Variants in TRIM9 observed in about 807,000 individuals in gnomAD.
TRIM9 encodes E3 ubiquitin-protein ligase TRIM9.
In TRIM9, 26 loss-of-function variants were observed where a neutral mutation model predicts 78.3. That is an observed-to-expected ratio of 0.33 (90% CI 0.24 to 0.46). TRIM9 has a LOEUF of 0.46. Among genes scored for constraint, TRIM9 ranks in the 20% least tolerant of loss-of-function variants. The probability of loss-of-function intolerance (pLI) is 1.00; values close to 1 mark genes in which losing one functional copy is unlikely to be tolerated. For synonymous variants in TRIM9, 398 were observed against 416.5 expected (o/e 0.96, Z 0.54); for missense variants, 787 against 1,036.4 (o/e 0.76, Z 3.30).
chr14:51,017,623 A>C (rs185098936), intron 3 of TRIM9, among the ~76,000 whole-genome samples: 11 of 152,354 alleles, frequency 7.2e-5, no homozygotes, highest in African/African-American at 2.2e-4. Flanking sequence ...TTGCAATAAG[A>C]GTGAAGCAGT....
At chr14:50,996,007 A>C (rs905843522) in intron 7 of TRIM9, 1 of 804,378 alleles carries the variant, frequency 1.2e-6, no homozygotes, top group African/African-American at 1.9e-5. Flanking sequence ...TTGCTTTCTA[A>C]ATCTTGTCTC....
intron 1 of TRIM9, among the ~76,000 whole-genome samples, chr14:51,074,088 A>T (rs767971210): frequency 6.6e-6 from 1 of 152,172 alleles, no homozygotes; most frequent in Non-Finnish European, 1.5e-5. Context: ...ACTGAATAAT[A>T]GTAATGATCA....
rs183547914 is a variant in TRIM9, at chr14:50,990,004, A to G, written c.1604-3860T>C. Among the ~76,000 whole-genome samples, 311 of 152,114 alleles carry G rather than the reference A, an allele frequency of 2.0e-3. 3 individuals carry two copies. Among genetic ancestry groups the G allele is most frequent in the Admixed American group, 0.019 (297 of 15,260 alleles). On this transcript the variant is annotated intron_variant, in intron 7 of 12. Transcript: ENST00000684578. ...TGATGTACTCCTGTTTGGCCACCAT[A>G]TATTTCTTTTGTTTCTTTATTTCTT...
chr14:51,035,182 G>A (rs958510446), intron 1 of TRIM9, among the ~76,000 whole-genome samples: 3 of 152,152 alleles, frequency 2.0e-5, no homozygotes, highest in South Asian at 2.1e-4. Context: ...AAGGCTATTC[G>A]TAGTGTATTT....
At chr14:51,016,217 A>G (rs1226001564) in intron 3 of TRIM9, among the ~76,000 whole-genome samples, 2 of 152,178 alleles carry the variant, frequency 1.3e-5, no homozygotes, top group Non-Finnish European at 2.9e-5. Context: ...TTGTTTAGGC[A>G]AGGGCAGGGG....
intron 1 of TRIM9, among the ~76,000 whole-genome samples, chr14:51,079,543 A>G (rs1220218088): frequency 6.6e-6 from 1 of 152,212 alleles, no homozygotes; most frequent in East Asian, 1.9e-4. Context: ...TGTAGCCCAG[A>G]TGTGTATGTA....
At chr14:51,060,683 G>A (rs1454621517) in intron 1 of TRIM9, among the ~76,000 whole-genome samples, 1 of 152,076 alleles carries the variant, frequency 6.6e-6, no homozygotes, top group Non-Finnish European at 1.5e-5. Flanking sequence ...TAGCCAGGAT[G>A]GTCTCGATCT....
Position 51,002,010 on chromosome 14 carries a change from T to G in TRIM9, c.1307-1170A>C, listed in dbSNP as rs142607099. On this transcript the variant is annotated intron_variant, in intron 5 of 12. Coordinates refer to ENST00000684578, the MANE Select transcript of TRIM9 (RefSeq NM_001387360.1). ...CTTTTCTAGTACTTAAACTGCAAATTAGTTGAGCCTTCAGACACACATAGA... is the reference window on the plus strand; with the variant it reads ...CTTTTCTAGTACTTAAACTGCAAATGAGTTGAGCCTTCAGACACACATAGA... 3.9e-5 allele frequency among the ~76,000 whole-genome samples: 6 copies of G among 152,324 alleles called. No individual in the cohort carries two copies. The East Asian group carries it at 1.2e-3, about 29-fold the overall frequency.
chr14:51,068,747 G>A (rs1240093033), intron 1 of TRIM9, among the ~76,000 whole-genome samples: 4 of 152,182 alleles, frequency 2.6e-5, no homozygotes, highest in Non-Finnish European at 5.9e-5. Flanking sequence ...GAGGTGTGAT[G>A]AGGCCAGCCC....
intron 1 of TRIM9, among the ~76,000 whole-genome samples, chr14:51,085,509 T>C (rs186431493): frequency 3.3e-5 from 5 of 152,370 alleles, no homozygotes; most frequent in African/African-American, 4.8e-5. Context: ...TTCCTTTTTA[T>C]ATGGTGAAAG....
chr14:51,001,120 A>C (rs1435974208), intron 5 of TRIM9, among the ~76,000 whole-genome samples: 4 of 152,134 alleles, frequency 2.6e-5, no homozygotes, highest in African/African-American at 7.2e-5. Context: ...ATCCCCTTGA[A>C]CATTGAAGAC....
chr14:51,080,736 C>T (rs565156564), intron 1 of TRIM9, among the ~76,000 whole-genome samples: 2 of 152,174 alleles, frequency 1.3e-5, no homozygotes, highest in African/African-American at 4.8e-5. Flanking sequence ...GCCATGGTAA[C>T]CCTTAGGAGC....
At chr14:51,016,263 G>A (rs7145511) in intron 3 of TRIM9, among the ~76,000 whole-genome samples, 61,648 of 152,004 alleles carry the variant, frequency 0.41, 12,892 homozygotes, top group Middle Eastern at 0.44. Context: ...GCACTGGTCC[G>A]TGGCCTGTTA....
chr14:51,040,793 ATTACATTTACAAAGC>A (rs548781562), intron 1 of TRIM9, among the ~76,000 whole-genome samples: 24 of 152,370 alleles, frequency 1.6e-4, no homozygotes, highest in East Asian at 1.3e-3. Context: ...TAGTACTAAC[ATTACATTTACAAAGC>A]CTGAATTTAA....
At chr14:51,035,353 T>C (rs188950995) in intron 1 of TRIM9, among the ~76,000 whole-genome samples, 1 of 152,170 alleles carries the variant, frequency 6.6e-6, no homozygotes, top group African/African-American at 2.4e-5. Context: ...ACTTGAGGGA[T>C]GAATAAGAAG....
intron 1 of TRIM9, among the ~76,000 whole-genome samples, chr14:51,048,705 C>A (rs1477642568): frequency 6.6e-6 from 1 of 151,968 alleles, no homozygotes; most frequent in African/African-American, 2.4e-5. Flanking sequence ...ATCTCGGGGG[C>A]CGGGCGCAGT....
intron 1 of TRIM9, among the ~76,000 whole-genome samples, chr14:51,079,845 G>C (rs1418885431): frequency 1.3e-5 from 2 of 152,148 alleles, no homozygotes; most frequent in Non-Finnish European, 2.9e-5. Flanking sequence ...ATGACCAGGA[G>C]GGAAGGCACA....
intron 1 of TRIM9, among the ~76,000 whole-genome samples, chr14:51,054,536 A>G (rs2060728808): frequency 6.6e-6 from 1 of 151,978 alleles, no homozygotes; most frequent in Admixed American, 6.5e-5. Context: ...TCAGCCTGCC[A>G]AAGTGCTGAG....
At chr14:51,027,569 C>T (rs1596212201) in intron 1 of TRIM9, among the ~76,000 whole-genome samples, 1 of 152,184 alleles carries the variant, frequency 6.6e-6, no homozygotes, top group Middle Eastern at 3.4e-3. Flanking sequence ...CTGTACTTTG[C>T]TCTATGTATT....
Sources: gnomAD v4.1 joint callset for allele counts (sites outside exome capture counted in the v4.1 genomes callset) on GRCh38, gnomAD v4.1.1 for gene constraint, MANE v1.5 for transcripts, NCBI Gene and HGNC (gene_info 2026-07-23, HGNC 2026-07-21) for gene names.